Variants in EP300 observed in about 807,000 individuals in gnomAD.
EP300 encodes histone acetyltransferase p300.
EP300 carries 31 observed loss-of-function variants against 264.0 expected under a neutral mutation model. That is an observed-to-expected ratio of 0.12 (90% CI 0.09 to 0.16). EP300 has a LOEUF of 0.16. EP300 is among the 10% of genes least tolerant of loss of function. The pLI, the probability that EP300 is intolerant of heterozygous loss-of-function variation, is 1.00. For missense variants in EP300, 2,766 were observed against 3,052.9 expected (o/e 0.91, Z 2.21); for synonymous variants, 1,340 against 1,045.4 (o/e 1.28, Z -5.44).
rs2059132771 is a variant in EP300 at position 41,166,089 on chromosome 22, A to G, written c.3807-510A>G. ...CGGGAGCCACCACGCCTGGCTGGTC[A>G]TAGACACTCATTTATGTCTGCTGCA... is the stretch of plus-strand genomic sequence containing the variant. On this transcript the variant is annotated intron_variant, in intron 22 of 30. Coordinates refer to ENST00000263253, the MANE Select transcript of EP300 (RefSeq NM_001429.4). Among the ~76,000 whole-genome samples, 7 of 152,300 alleles carry G rather than the reference A, an allele frequency of 4.6e-5. No homozygotes were observed. In the South Asian group the frequency reaches 1.4e-3, roughly 32 times the overall value.
intron 1 of EP300, among the ~76,000 whole-genome samples, chr22:41,103,510 C>CA (rs1569083224): frequency 6.6e-6 from 1 of 152,068 alleles, no homozygotes; most frequent in Admixed American, 6.6e-5. Flanking sequence ...TTGCTTTTGA[C>CA]AGAGTAGGTT....
Position 41,152,320 on chromosome 22 carries a change from T to C in EP300, c.3112T>C (p.Ser1038Pro). Residue 1038 changes from serine to proline, a missense_variant, in exon 16 of 31, where the codon TCT (serine) becomes CCT (proline). Physicochemically the swap from Ser to Pro is moderately conservative, Grantham distance 74 (BLOSUM62 -1). Transcript: ENST00000263253. ...DQPSTSATQS[S>P]PAPGQSKKKI... ...GCCAAGTACTTCAGCTACCCAGTCA[T>C]CTCCGGCTCCAGGACAGTCAAAGAA... 1 of 1,613,972 alleles carries C rather than the reference T, an allele frequency of 6.2e-7. No homozygotes were observed. Among genetic ancestry groups the C allele is most frequent in the African/African-American group, 1.3e-5 (1 of 74,992 alleles).
At position 41,178,226 on chromosome 22, in the gene EP300, A is replaced by T. The variant is rs756550248; in HGVS notation, c.6515A>T (p.His2172Leu). 1 of 1,613,896 alleles carries T rather than the reference A, an allele frequency of 6.2e-7. No individual in the cohort carries two copies. Among genetic ancestry groups the T allele is most frequent in the African/African-American group, 1.3e-5 (1 of 74,864 alleles). ...SPQAQQMNMN[H>L]NTMPSQFRDI... ...CAGGCTCAGCAGATGAACATGAACCACAACACCATGCCTTCACAATTCCGA... is the reference window on the plus strand; with the variant it reads ...CAGGCTCAGCAGATGAACATGAACCTCAACACCATGCCTTCACAATTCCGA... The change falls in exon 31 of 31, where the codon CAC (histidine) becomes CTC (leucine). Residue 2172 changes from histidine to leucine, a missense_variant. Coordinates refer to ENST00000263253, the MANE Select transcript of EP300 (RefSeq NM_001429.4).
At chr22:41,165,773 A>C (rs887846406) in intron 22 of EP300, among the ~76,000 whole-genome samples, 8 of 151,046 alleles carry the variant, frequency 5.3e-5, no homozygotes, top group African/African-American at 1.9e-4. Flanking sequence ...TTTTGTTATA[A>C]GTCATAGACT....
chr22:41,161,594 G>C (rs1483702598), intron 20 of EP300, among the ~76,000 whole-genome samples: 1 of 152,156 alleles, frequency 6.6e-6, no homozygotes. Flanking sequence ...TCCAGCCTGG[G>C]CGACAGAGCG....
chr22:41,143,390 T>C (rs1411226441), intron 10 of EP300, among the ~76,000 whole-genome samples: 1 of 152,230 alleles, frequency 6.6e-6, no homozygotes, highest in African/African-American at 2.4e-5. Flanking sequence ...AGGTCAAGGC[T>C]GCAGTGAGCT....
rs781178097 is a variant in EP300 at position 41,168,439 on chromosome 22, A to G, written c.3875-10A>G. 6.2e-7 allele frequency: 1 copy of G among 1,614,062 alleles called. No homozygotes were observed. Among genetic ancestry groups the G allele is most frequent in the Non-Finnish European group, 8.5e-7 (1 of 1,179,978 alleles). ...TGCACCTCAGTAACTTTTAACTTTTACATTCCTAGGGTTGCCATCTACCAG... is the reference window on the plus strand; with the variant it reads ...TGCACCTCAGTAACTTTTAACTTTTGCATTCCTAGGGTTGCCATCTACCAG... On this transcript the variant is annotated splice_polypyrimidine_tract_variant and intron_variant, in intron 23 of 30. Transcript: ENST00000263253.
chr22:41,097,774 T>C (rs971875451), intron 1 of EP300, among the ~76,000 whole-genome samples: 2 of 152,138 alleles, frequency 1.3e-5, no homozygotes, highest in Non-Finnish European at 1.5e-5. Flanking sequence ...AAACCAATTA[T>C]ACCAAGTCTA....
intron 1 of EP300, among the ~76,000 whole-genome samples, chr22:41,101,906 C>G (rs2058733841): frequency 6.6e-6 from 1 of 152,140 alleles, no homozygotes; most frequent in African/African-American, 2.4e-5. Context: ...TTTTTTACAA[C>G]ACTTAAGGAA....
Position 41,149,746 on chromosome 22 carries a change from TTTTTA to T in EP300, c.2380-9_2380-5del, listed in dbSNP as rs777106180. 2.5e-6 allele frequency: 4 copies of T among 1,613,816 alleles called. No individual in the cohort carries two copies. The highest frequency in any genetic ancestry group is 1.1e-5 in the South Asian group (1 of 91,068). On this transcript the variant is annotated splice_polypyrimidine_tract_variant and intron_variant, in intron 13 of 30. Transcript: ENST00000263253. ...GTTCTGAATTGCTGTCTTGTTATGTTTTTTATTTTAACAGGCACAAATGTCTAGTT... is the reference window on the plus strand; with the variant it reads ...GTTCTGAATTGCTGTCTTGTTATGTTTTTTAACAGGCACAAATGTCTAGTT...
intron 2 of EP300, among the ~76,000 whole-genome samples, chr22:41,118,779 C>G (rs1022187905): frequency 6.9e-6 from 1 of 144,650 alleles, no homozygotes; most frequent in Admixed American, 7.4e-5. Context: ...AGCATTGACC[C>G]CATCTTCTAT....
intron 21 of EP300, among the ~76,000 whole-genome samples, chr22:41,163,472 G>A (rs912967118): frequency 6.6e-5 from 10 of 150,622 alleles, no homozygotes; most frequent in Non-Finnish European, 1.3e-4. Flanking sequence ...AGGTTTGGCC[G>A]GGCACAGTGG....
chr22:41,110,633 A>G (rs2058784664), intron 1 of EP300, among the ~76,000 whole-genome samples: 1 of 152,052 alleles, frequency 6.6e-6, no homozygotes, highest in South Asian at 2.1e-4. Context: ...ATATTTTTGT[A>G]GAGAGGTGGT....
chr22:41,097,665 GTTT>G (rs1298932835), intron 1 of EP300, among the ~76,000 whole-genome samples: 1 of 152,150 alleles, frequency 6.6e-6, no homozygotes, highest in African/African-American at 2.4e-5. Context: ...AAAGATGCTA[GTTT>G]TATGTTTGTC....
chr22:41,131,628 A>T lies in EP300; in HGVS notation c.1523A>T (p.Asn508Ile), dbSNP rs528872126. ...QSPQGMRPMSNMSASPMGVNG... is the reference protein window; with the variant it reads ...QSPQGMRPMSIMSASPMGVNG... ...CCCCAAGGCATGCGGCCCATGAGCA[A>T]CATGAGTAAGTTTGTGTCATCCTAA... The change falls in exon 6 of 31, where the codon AAC (asparagine) becomes ATC (isoleucine). Residue 508 changes from asparagine to isoleucine, a missense_variant. Coordinates refer to ENST00000263253, the MANE Select transcript of EP300 (RefSeq NM_001429.4). 6.2e-7 allele frequency: 1 copy of T among 1,614,182 alleles called. No homozygotes were observed. Among genetic ancestry groups the T allele is most frequent in the East Asian group, 2.2e-5 (1 of 44,886 alleles).
At chr22:41,165,838 C>T (rs927543573) in intron 22 of EP300, among the ~76,000 whole-genome samples, 1 of 152,128 alleles carries the variant, frequency 6.6e-6, no homozygotes, top group Non-Finnish European at 1.5e-5. Flanking sequence ...GGTGTGATCT[C>T]AGCTCACTGC....
At chr22:41,153,489 G>A (rs895341497) in intron 16 of EP300, among the ~76,000 whole-genome samples, 7 of 152,098 alleles carry the variant, frequency 4.6e-5, no homozygotes, top group Non-Finnish European at 7.4e-5. Flanking sequence ...GTTCCCTCAT[G>A]CCTGTAATCC....
At chr22:41,110,897 C>T (rs2058786395) in intron 1 of EP300, among the ~76,000 whole-genome samples, 1 of 151,388 alleles carries the variant, frequency 6.6e-6, no homozygotes, top group Non-Finnish European at 1.5e-5. Context: ...GTTTAGTCAG[C>T]CTTTACTTTT....
At chr22:41,132,603 A>G (rs73426547) in intron 6 of EP300, among the ~76,000 whole-genome samples, 2,357 of 152,178 alleles carry the variant, frequency 0.015, 45 homozygotes, top group African/African-American at 0.05. Context: ...TCTCTTACAG[A>G]TGGACATTGA....
Sources: gnomAD v4.1 joint callset for allele counts (sites outside exome capture counted in the v4.1 genomes callset) on GRCh38, gnomAD v4.1.1 for gene constraint, MANE v1.5 for transcripts, NCBI Gene and HGNC (gene_info 2026-07-23, HGNC 2026-07-21) for gene names.